The following GPBP1 variants were observed in gnomAD, a reference collection of about 807,000 sequenced individuals.
GPBP1 encodes GC-rich promoter binding protein 1, also known as vasculin.
In GPBP1, 13 loss-of-function variants were observed where a neutral mutation model predicts 56.5. The ratio of observed to expected loss-of-function variants is 0.23; its 90% confidence interval spans 0.15 to 0.37. The LOEUF (loss-of-function observed/expected upper bound fraction) is 0.37. GPBP1 is among the 10% of genes least tolerant of loss of function. The pLI is 1.00. For synonymous variants in GPBP1, 204 were observed against 188.9 expected (o/e 1.08, Z -0.66); for missense variants, 477 against 572.3 (o/e 0.83, Z 1.70).
intron 2 of GPBP1, among the ~76,000 whole-genome samples, chr5:57,185,250 G>A (rs1754232469): frequency 6.8e-6 from 1 of 147,846 alleles, no homozygotes; most frequent in African/African-American, 2.5e-5. Context: ...AACCATCTTT[G>A]GTTAGGTCTT....
chr5:57,262,548 G>C (rs780162777), intron 11 of GPBP1, 46 bp from the exon 12 acceptor site: 1 of 1,406,320 alleles, frequency 7.1e-7, no homozygotes, highest in South Asian at 1.2e-5. Context: ...CAGTAGGTTT[G>C]TAACTCTTGA....
intron 2 of GPBP1, among the ~76,000 whole-genome samples, chr5:57,186,516 T>G (rs1041510434): frequency 6.6e-6 from 1 of 152,154 alleles, no homozygotes; most frequent in African/African-American, 2.4e-5. Flanking sequence ...TTCTTATCTT[T>G]TAGGTCTTTG....
chr5:57,250,904 T>C, intron 9 of GPBP1, 50 bp from the exon 10 acceptor site: 6 of 1,234,332 alleles, frequency 4.9e-6, no homozygotes, highest in Non-Finnish European at 6.8e-6. Context: ...TTAATAACTG[T>C]ATTCTGTAGA....
chr5:57,175,968 G>T lies in GPBP1; in HGVS notation c.-490G>T, dbSNP rs1273423980. 1 of 398,230 alleles carries T rather than the reference G, an allele frequency of 2.5e-6. No homozygotes were observed. Among genetic ancestry groups the T allele is most frequent in the Admixed American group, 4.4e-5 (1 of 22,676 alleles). 24.7% of individuals were successfully genotyped at this position (398,230 alleles called of 1,614,324 possible). The stretch of plus-strand genomic sequence containing the variant: ...TTTTTTCCTTTTATCTTTTATTTAC[G>T]TGGAAATTTAAGATGTTGCAGTTTT... On this transcript the variant is annotated 5_prime_UTR_variant, in exon 2 of 12. Coordinates refer to ENST00000506184, the MANE Select transcript of GPBP1 (RefSeq NM_022913.4).
chr5:57,248,202 G>T (rs763890821), intron 8 of GPBP1, among the ~76,000 whole-genome samples: 3 of 152,008 alleles, frequency 2.0e-5, no homozygotes, highest in African/African-American at 7.2e-5. Flanking sequence ...AACACTGATT[G>T]GGGGGAAAGG....
intron 2 of GPBP1, among the ~76,000 whole-genome samples, chr5:57,197,521 C>G (rs965748491): frequency 2.0e-5 from 3 of 151,864 alleles, no homozygotes; most frequent in South Asian, 2.1e-4. Flanking sequence ...CCATGCCCAG[C>G]TAAGTTTTTG....
chr5:57,187,650 A>G (rs1754349055), intron 2 of GPBP1, among the ~76,000 whole-genome samples: 2 of 152,188 alleles, frequency 1.3e-5, no homozygotes, highest in South Asian at 4.1e-4. Context: ...CATAGTCTTT[A>G]TGACTTAATT....
rs764423736 is a variant in GPBP1, at chr5:57,235,957, T to A, written c.412-9T>A. ...AAAATGTGAAATGTTTATTCCAACT[T>A]TCTTCCAGCCGTCTTTAAATCCTGA... On this transcript the variant is annotated splice_polypyrimidine_tract_variant and intron_variant, in intron 5 of 11. Transcript: ENST00000506184. 1 of 1,597,380 alleles carries A rather than the reference T, an allele frequency of 6.3e-7. No homozygotes were observed. The highest frequency in any genetic ancestry group is 1.1e-5 in the South Asian group (1 of 90,428).
At chr5:57,207,530 A>G (rs564519658) in intron 2 of GPBP1, among the ~76,000 whole-genome samples, 2 of 152,164 alleles carry the variant, frequency 1.3e-5, no homozygotes, top group Non-Finnish European at 2.9e-5. Flanking sequence ...CCCAGTGGGC[A>G]TGTGTTACAG....
intron 3 of GPBP1, among the ~76,000 whole-genome samples, chr5:57,220,456 T>G (rs1237065946): frequency 6.8e-6 from 1 of 147,500 alleles, no homozygotes; most frequent in Non-Finnish European, 1.5e-5. Flanking sequence ...GTTGACAATT[T>G]AAACTTTTTT....
intron 6 of GPBP1, among the ~76,000 whole-genome samples, chr5:57,242,018 C>T (rs1740859501): frequency 6.6e-6 from 1 of 152,190 alleles, no homozygotes; most frequent in South Asian, 2.1e-4. Context: ...CACATCCCTT[C>T]TTCCATTACT....
At chr5:57,240,094 A>T (rs1218695696) in intron 6 of GPBP1, among the ~76,000 whole-genome samples, 1 of 152,094 alleles carries the variant, frequency 6.6e-6, no homozygotes, top group African/African-American at 2.4e-5. Flanking sequence ...AAAATAAAAA[A>T]TAAAAAATTA....
intron 3 of GPBP1, among the ~76,000 whole-genome samples, chr5:57,225,866 A>G (rs917319223): frequency 2.6e-5 from 4 of 152,210 alleles, no homozygotes; most frequent in Non-Finnish European, 5.9e-5. Flanking sequence ...GATGCCATCA[A>G]TGCAGCTCCT....
At chr5:57,215,846 G>A (rs923536271) in intron 3 of GPBP1, among the ~76,000 whole-genome samples, 2 of 137,712 alleles carry the variant, frequency 1.5e-5, no homozygotes, top group African/African-American at 5.6e-5. Context: ...ACTACTTATT[G>A]CTTATTCAGC....
At position 57,175,858 on chromosome 5, in the gene GPBP1, A is replaced by G; in HGVS notation, c.-600A>G. 1 of 397,348 alleles carries G rather than the reference A, an allele frequency of 2.5e-6. No homozygotes were observed. Among genetic ancestry groups the G allele is most frequent in the Non-Finnish European group, 4.4e-6 (1 of 225,670 alleles). The allele number at this position is 397,348 out of a possible 1,614,324, so 24.6% of individuals were successfully genotyped here. On this transcript the variant is annotated 5_prime_UTR_variant, in exon 2 of 12. An upstream open reading frame in the 5' UTR loses its in-frame stop. Coordinates refer to ENST00000506184, the MANE Select transcript of GPBP1 (RefSeq NM_022913.4). Reference sequence around the variant, plus strand: ...TGGCAGTTTATTTTTACCTTTATTGAAAGTTTTAGGAATTTTTGACTTCAG... The same window carrying G: ...TGGCAGTTTATTTTTACCTTTATTGGAAGTTTTAGGAATTTTTGACTTCAG...
At chr5:57,213,950 T>C in intron 2 of GPBP1, 124 bp from the exon 3 acceptor site, 2 of 556,070 alleles carry the variant, frequency 3.6e-6, no homozygotes, top group Non-Finnish European at 6.4e-6. Flanking sequence ...TATAGTTTTG[T>C]CTTTTCTAGA....
Position 57,175,565 on chromosome 5 carries a change from T to C in GPBP1, c.-893T>C, listed in dbSNP as rs1561314128. The C allele has an allele frequency of 2.5e-6, 1 of 398,462 alleles. No homozygotes were observed. Among genetic ancestry groups the C allele is most frequent in the East Asian group, 3.6e-5 (1 of 28,056 alleles). 24.7% of individuals were successfully genotyped at this position (398,462 alleles called of 1,614,324 possible). A position where few individuals can be genotyped will look rare whatever the true frequency, so the allele number is the denominator to read the frequency against. On this transcript the variant is annotated 5_prime_UTR_variant, in exon 2 of 12. Coordinates refer to ENST00000506184, the MANE Select transcript of GPBP1 (RefSeq NM_022913.4). The stretch of plus-strand genomic sequence containing the variant: ...TTTGGATAATTTTGCCCCAGAAGTT[T>C]ATTAAAATTGGCAAGAATCGTCTGT...
chr5:57,184,010 T>TC (rs1377702254), intron 2 of GPBP1, among the ~76,000 whole-genome samples: 1 of 152,074 alleles, frequency 6.6e-6, no homozygotes, highest in Non-Finnish European at 1.5e-5. Context: ...GGCTGGTGGA[T>TC]CGCTTGAACC....
Position 57,204,594 on chromosome 5 carries a change from C to T in GPBP1, c.-57-9480C>T, listed in dbSNP as rs187331087. 4.4e-3 allele frequency among the ~76,000 whole-genome samples: 677 copies of T among 152,254 alleles called. 1 individual carries two copies. Among genetic ancestry groups the T allele is most frequent in the Non-Finnish European group, 7.3e-3 (497 of 68,024 alleles). ...TTACTTTCCTTGAATTTAAACCTGA[C>T]ACTTCTGAAAATTTTGGGTCAGTTA... On this transcript the variant is annotated intron_variant, in intron 2 of 11. Coordinates refer to ENST00000506184, the MANE Select transcript of GPBP1 (RefSeq NM_022913.4).
Sources: allele counts gnomAD v4.1 joint callset (sites outside exome capture counted in the v4.1 genomes callset), GRCh38; gene constraint gnomAD v4.1.1; transcripts MANE v1.5; gene names NCBI Gene and HGNC (gene_info 2026-07-23, HGNC 2026-07-21).